AP3S2: variants seen among roughly 807,000 people sequenced by gnomAD.
The protein encoded by AP3S2 is adaptor related protein complex 3 subunit sigma 2, also known as AP-3 complex subunit sigma-2.
AP3S2 carries 22 observed loss-of-function variants against 23.4 expected under a neutral mutation model. The observed-to-expected ratio is 0.94, with a 90% CI of 0.67 to 1.34. AP3S2 has a LOEUF of 1.34. Ranked by LOEUF, AP3S2 falls within the 40% of genes most tolerant of loss-of-function variation. The pLI is 0.00. For missense variants in AP3S2, 241 were observed against 236.9 expected, an observed-to-expected ratio of 1.02 and a Z score of -0.11; for synonymous variants, 86 against 87.1, an observed-to-expected ratio of 0.99 and a Z score of 0.07.
At chr15:89,848,500 A>G (rs1895553012) in intron 4 of AP3S2, 1 of 152,384 alleles carries the variant, frequency 6.6e-6, no homozygotes, top group African/African-American at 2.4e-5. Flanking sequence ...AGCTGGGACT[A>G]CAGGCACCCG....
At position 89,877,483 on chromosome 15, in the gene AP3S2, A is replaced by G. The variant is rs1278750328; in HGVS notation, c.274-5937T>C. The G allele has an allele frequency of 4.6e-6, 4 of 875,038 alleles. No individual in the cohort carries two copies. In the African/African-American group the frequency reaches 6.9e-5, roughly 15 times the overall value. 54.2% of individuals were successfully genotyped at this position (875,038 alleles called of 1,614,324 possible). A position where few individuals can be genotyped will look rare whatever the true frequency, so the allele number is the denominator to read the frequency against. ...ATCATAGCCATTTTTTAAGTGTACA[A>G]TTCAGTAGCATTCGATAACGTTCAT... On this transcript the variant is annotated intron_variant, in intron 3 of 5. Transcript: ENST00000336418.
chr15:89,852,582 AAC>A (rs980989066), intron 4 of AP3S2: 1 of 152,284 alleles, frequency 6.6e-6, no homozygotes, highest in Non-Finnish European at 1.5e-5. Flanking sequence ...CTTCTGGAGC[AAC>A]ACAGAGTAAG....
chr15:89,845,825 T>G (rs1036243859), intron 4 of AP3S2: 2 of 152,204 alleles, frequency 1.3e-5, no homozygotes, highest in Admixed American at 1.3e-4. Flanking sequence ...TGAACAAATA[T>G]GAATTATGAA....
At chr15:89,868,351 GC>G (rs1896208691) in intron 4 of AP3S2, among the ~76,000 whole-genome samples, 2 of 95,772 alleles carry the variant, frequency 2.1e-5, no homozygotes, top group Non-Finnish European at 4.4e-5. Flanking sequence ...GGAGGGGTCA[GC>G]CCCCCGCCCG....
intron 3 of AP3S2, among the ~76,000 whole-genome samples, chr15:89,887,251 T>C (rs1337374887): frequency 1.2e-4 from 18 of 152,236 alleles, no homozygotes; most frequent in Non-Finnish European, 2.5e-4. Context: ...AAATTTTTAA[T>C]TATCCTACAA....
At chr15:89,872,535 T>C (rs1896345525) in intron 3 of AP3S2, among the ~76,000 whole-genome samples, 3 of 152,190 alleles carry the variant, frequency 2.0e-5, no homozygotes, top group Admixed American at 1.3e-4. Context: ...AACTGTTTAA[T>C]TTCTCTCAGA....
intron 4 of AP3S2, among the ~76,000 whole-genome samples, chr15:89,855,199 T>C (rs1269083651): frequency 1.3e-5 from 1 of 77,012 alleles, no homozygotes; most frequent in Non-Finnish European, 2.7e-5. Context: ...TTCCTCTGCC[T>C]TGGGATCCTG....
intron 1 of AP3S2, 77 bp downstream of exon 1, chr15:89,893,804 G>T: frequency 6.9e-7 from 1 of 1,445,284 alleles, no homozygotes. Flanking sequence ...CGGTGCCCCC[G>T]GGCGCCGAGA....
At chr15:89,872,357 C>T (rs779295609) in intron 3 of AP3S2, among the ~76,000 whole-genome samples, 20 of 152,036 alleles carry the variant, frequency 1.3e-4, no homozygotes, top group African/African-American at 1.9e-4. Context: ...ATTTAATTGA[C>T]GTGTTTACAA....
At chr15:89,847,310 G>C (rs1895517142) in intron 4 of AP3S2, among the ~76,000 whole-genome samples, 1 of 142,500 alleles carries the variant, frequency 7.0e-6, no homozygotes, top group African/African-American at 2.6e-5. Context: ...CTTGAGCCTG[G>C]AAGTCAAGAC....
chr15:89,876,893 G>T, intron 3 of AP3S2: 2 of 186,590 alleles, frequency 1.1e-5, no homozygotes, highest in South Asian at 2.0e-4. Context: ...AGATAGCTAT[G>T]GCAGCTCAAA....
At chr15:89,840,118 C>T (rs1238873248) in intron 4 of AP3S2, among the ~76,000 whole-genome samples, 2 of 152,108 alleles carry the variant, frequency 1.3e-5, no homozygotes, top group Admixed American at 6.5e-5. Context: ...AGATGAAGAG[C>T]TCTGGAGACG....
Position 89,889,158 on chromosome 15 carries a change from A to G in AP3S2, c.70-18T>C, listed in dbSNP as rs768989451. ...TCTTCTGGCTATGAAACAAAAAGAT[A>G]AGTGAATCAGTGGGCAAGCCTGAAA... is the stretch of plus-strand genomic sequence containing the variant. On this transcript the variant is annotated intron_variant, in intron 1 of 5. Coordinates refer to ENST00000336418, the MANE Select transcript of AP3S2 (RefSeq NM_005829.5). The G allele has an allele frequency of 2.5e-6, 4 of 1,613,932 alleles. No homozygotes were observed. The South Asian group carries it at 4.4e-5, about 18-fold the overall frequency.
chr15:89,874,390 G>A (rs956604023), intron 3 of AP3S2, among the ~76,000 whole-genome samples: 2 of 152,186 alleles, frequency 1.3e-5, no homozygotes, highest in Non-Finnish European at 2.9e-5. Context: ...CCACCAAACA[G>A]GCTTTGTGTG....
At chr15:89,892,503 C>A (rs1321971459) in intron 1 of AP3S2, among the ~76,000 whole-genome samples, 1 of 152,034 alleles carries the variant, frequency 6.6e-6, no homozygotes, top group African/African-American at 2.4e-5. Context: ...AAGACCCCGT[C>A]TCTATAAGTA....
At chr15:89,867,975 CCGGG>C (rs1896186174) in intron 4 of AP3S2, among the ~76,000 whole-genome samples, 1 of 147,952 alleles carries the variant, frequency 6.8e-6, no homozygotes, top group Admixed American at 6.7e-5. Context: ...GCCGTGCCAT[CCGGG>C]AGGGAGGTGG....
chr15:89,849,528 G>C (rs577720952), intron 4 of AP3S2, among the ~76,000 whole-genome samples: 1 of 152,024 alleles, frequency 6.6e-6, no homozygotes, highest in Admixed American at 6.5e-5. Context: ...CACCACGCCC[G>C]GCTAATTTTT....
chr15:89,870,511 GA>G lies in AP3S2; in HGVS notation c.345+963del, dbSNP rs559200709. ...CCATTCTAATGTCATCCAAACTCAAGAATGCATTCACTACATTAGCCTGGAA... is the reference window on the plus strand; with the variant it reads ...CCATTCTAATGTCATCCAAACTCAAGATGCATTCACTACATTAGCCTGGAA... On this transcript the variant is annotated intron_variant, in intron 4 of 5. Transcript: ENST00000336418. 1.4e-4 allele frequency among the ~76,000 whole-genome samples: 21 copies of G among 152,246 alleles called. 1 individual carries two copies. The South Asian group carries it at 4.1e-3, about 30-fold the overall frequency.
intron 3 of AP3S2, among the ~76,000 whole-genome samples, chr15:89,883,393 AG>A (rs1896618289): frequency 6.6e-6 from 1 of 151,902 alleles, no homozygotes; most frequent in South Asian, 2.1e-4. Context: ...AAACAATAAA[AG>A]ATACTCCTTT....
Sources: allele counts gnomAD v4.1 joint callset (sites outside exome capture counted in the v4.1 genomes callset), GRCh38; gene constraint gnomAD v4.1.1; transcripts MANE v1.5; gene names NCBI Gene and HGNC (gene_info 2026-07-23, HGNC 2026-07-21).